Variants in PCDHGB6 observed in about 807,000 individuals in gnomAD.
PCDHGB6 encodes protocadherin gamma subfamily B, 6, also known as protocadherin gamma-B6.
In PCDHGB6, 51 loss-of-function variants were observed where a neutral mutation model predicts 59.1. That is an observed-to-expected ratio of 0.86 (90% CI 0.69 to 1.09). The LOEUF (loss-of-function observed/expected upper bound fraction) is 1.09. Ranked by LOEUF, PCDHGB6 falls within the 50% of genes least tolerant of loss-of-function variation. The pLI, the probability that PCDHGB6 is intolerant of heterozygous loss-of-function variation, is 0.00. For synonymous variants in PCDHGB6, 466 were observed against 495.1 expected (o/e 0.94, Z 0.78); for missense variants, 1,148 against 1,205.1 (o/e 0.95, Z 0.70).
chr5:141,427,260 AC>A (rs1388196814), intron 1 of PCDHGB6: 1 of 456,770 alleles, frequency 2.2e-6, no homozygotes, highest in Admixed American at 2.3e-5. Flanking sequence ...TGGAGGCATG[AC>A]CAGCGAATGT....
rs552017054 is a variant in PCDHGB6 at position 141,425,594 on chromosome 5, A to G, written c.2418+14974A>G. On this transcript the variant is annotated intron_variant, in intron 1 of 3. Transcript: ENST00000520790. ...GGGTTTGGCTAACTTTATTCTGAAT[A>G]TGCCCTATATAGCTTTCAGTGCTCC... 2.6e-5 allele frequency among the ~76,000 whole-genome samples: 4 copies of G among 152,370 alleles called. No homozygotes were observed. In the South Asian group the frequency reaches 8.3e-4, roughly 32 times the overall value.
intron 1 of PCDHGB6, among the ~76,000 whole-genome samples, chr5:141,447,631 A>G (rs59518107): frequency 0.11 from 16,809 of 152,214 alleles, 1,093 homozygotes; most frequent in African/African-American, 0.17. Flanking sequence ...AACCAACAGT[A>G]TGAATGATGG....
Position 141,491,717 on chromosome 5 carries a change from C to A in PCDHGB6, c.2419-3090C>A. ...CGGAGCCAGGTGAGGGGCTCGGCGC[C>A]GCCCCGGGCGACCCCTGGGGGCGGC... On this transcript the variant is annotated intron_variant, in intron 1 of 3. Coordinates refer to ENST00000520790, the MANE Select transcript of PCDHGB6 (RefSeq NM_018926.3). The surrounding 1 kb of genome is among the most constrained non-coding windows in gnomAD (Gnocchi z 6.9). 1 of 1,607,940 alleles carries A rather than the reference C, an allele frequency of 6.2e-7. No individual in the cohort carries two copies. Among genetic ancestry groups the A allele is most frequent in the Middle Eastern group, 1.7e-4 (1 of 6,010 alleles).
At chr5:141,426,844 A>C (rs1397752566) in intron 1 of PCDHGB6, 1 of 456,628 alleles carries the variant, frequency 2.2e-6, no homozygotes, top group Non-Finnish European at 4.4e-6. Context: ...ACTAAAGGCA[A>C]GAACGCTCCA....
chr5:141,458,464 G>A (rs1035826436), intron 1 of PCDHGB6, among the ~76,000 whole-genome samples: 30 of 152,030 alleles, frequency 2.0e-4, no homozygotes, highest in Admixed American at 9.8e-4. Flanking sequence ...TTAAAATACC[G>A]TACAACTGCA....
At chr5:141,415,023 C>A (rs1213037511) in intron 1 of PCDHGB6, 1 of 1,613,530 alleles carries the variant, frequency 6.2e-7, no homozygotes, top group East Asian at 2.2e-5. Flanking sequence ...TCAAGGCCAG[C>A]GAGCCGGGAC....
At chr5:141,469,373 G>A (rs532041259) in intron 1 of PCDHGB6, among the ~76,000 whole-genome samples, 3 of 151,992 alleles carry the variant, frequency 2.0e-5, no homozygotes, top group South Asian at 2.1e-4. Context: ...TAAAGAGATC[G>A]AGACCATCCT....
chr5:141,425,714 A>G (rs1259037833), intron 1 of PCDHGB6, among the ~76,000 whole-genome samples: 1 of 152,218 alleles, frequency 6.6e-6, no homozygotes, highest in African/African-American at 2.4e-5. Context: ...AAATTTTCCC[A>G]TACCACTTGA....
At position 141,430,761 on chromosome 5, in the gene PCDHGB6, T is replaced by C. The variant is rs769012885; in HGVS notation, c.2418+20141T>C. The C allele has an allele frequency of 2.0e-6, 3 of 1,506,132 alleles. No individual in the cohort carries two copies. The African/African-American group carries it at 4.2e-5, about 21-fold the overall frequency. The allele number at this position is 1,506,132 out of a possible 1,614,324, so 93.3% of individuals were successfully genotyped here. ...AAATAATTCTGGAGGAAGATAAGAATGATTCCTGCGCGACTGCACCGGGAC... is the reference window on the plus strand; with the variant it reads ...AAATAATTCTGGAGGAAGATAAGAACGATTCCTGCGCGACTGCACCGGGAC... On this transcript the variant is annotated intron_variant, in intron 1 of 3. Coordinates refer to ENST00000520790, the MANE Select transcript of PCDHGB6 (RefSeq NM_018926.3).
At chr5:141,492,404 T>C (rs944864208) in intron 1 of PCDHGB6, among the ~76,000 whole-genome samples, 9 of 152,316 alleles carry the variant, frequency 5.9e-5, no homozygotes, top group African/African-American at 1.9e-4. Context: ...GCAGCTCCCC[T>C]CTGCCGCTCC....
Position 141,415,740 on chromosome 5 carries a change from G to GTTTTTT in PCDHGB6, c.2418+5147_2418+5152dup, listed in dbSNP as rs57426385. ...TGAGTAGAATTTGATGTTTATTAAGGTTTTTTTTTTTTTTTTTTTTTTTTT... is the reference window on the plus strand; with the variant it reads ...TGAGTAGAATTTGATGTTTATTAAGGTTTTTTTTTTTTTTTTTTTTTTTTTTTTTTT... On this transcript the variant is annotated intron_variant, in intron 1 of 3. Transcript: ENST00000520790. 6.6e-4 allele frequency: 412 copies of GTTTTTT among 624,836 alleles called. 3 individuals carry two copies. The highest frequency in any genetic ancestry group is 1.2e-3 in the African/African-American group (49 of 39,912). The allele number at this position is 624,836 out of a possible 1,614,324, so 38.7% of individuals were successfully genotyped here.
chr5:141,473,850 G>A (rs1490458424), intron 1 of PCDHGB6, among the ~76,000 whole-genome samples: 1 of 152,184 alleles, frequency 6.6e-6, no homozygotes, highest in African/African-American at 2.4e-5. Flanking sequence ...TTAGGAAGAT[G>A]AACCTCGCTA....
At chr5:141,422,566 A>G (rs2096656660) in intron 1 of PCDHGB6, 1 of 1,614,020 alleles carries the variant, frequency 6.2e-7, no homozygotes, top group Non-Finnish European at 8.5e-7. Flanking sequence ...GGCAGATGAC[A>G]ACGATAACCC....
At chr5:141,435,214 AC>A (rs1332585721) in intron 1 of PCDHGB6, among the ~76,000 whole-genome samples, 1 of 152,176 alleles carries the variant, frequency 6.6e-6, no homozygotes, top group African/African-American at 2.4e-5. Flanking sequence ...AAGTGAATTT[AC>A]TTTCTTTCAA....
intron 1 of PCDHGB6, among the ~76,000 whole-genome samples, chr5:141,463,642 G>A (rs573143516): frequency 6.6e-6 from 1 of 151,750 alleles, no homozygotes; most frequent in South Asian, 2.1e-4. Context: ...TAGTAGAGAC[G>A]GGGTTTCACC....
At chr5:141,414,646 A>G in intron 1 of PCDHGB6, 2 of 1,613,928 alleles carry the variant, frequency 1.2e-6, no homozygotes, top group Non-Finnish European at 1.7e-6. Context: ...GAATGCCCAG[A>G]TTATTTACTC....
rs182905441 is a variant in PCDHGB6, at chr5:141,450,871, C to A, written c.2418+40251C>A. Among the ~76,000 whole-genome samples, 581 of 149,672 alleles carry A rather than the reference C, an allele frequency of 3.9e-3. 6 individuals carry two copies. Among genetic ancestry groups the A allele is most frequent in the Admixed American group, 0.011 (168 of 14,998 alleles). ...ATGGGGTCTTGCTCTGTCACCCAGGCTGGTGTGCAGTGGTGCGATATCGGC... is the reference window on the plus strand; with the variant it reads ...ATGGGGTCTTGCTCTGTCACCCAGGATGGTGTGCAGTGGTGCGATATCGGC... On this transcript the variant is annotated intron_variant, in intron 1 of 3. Coordinates refer to ENST00000520790, the MANE Select transcript of PCDHGB6 (RefSeq NM_018926.3).
At chr5:141,420,473 G>A (rs1016985115) in intron 1 of PCDHGB6, 8 of 707,118 alleles carry the variant, frequency 1.1e-5, no homozygotes, top group Non-Finnish European at 1.6e-5. Flanking sequence ...ACATTTTAAA[G>A]CAAACTACAT....
intron 1 of PCDHGB6, chr5:141,471,417 T>A (rs1174855045): frequency 6.6e-6 from 1 of 152,190 alleles, no homozygotes; most frequent in Non-Finnish European, 1.5e-5. Flanking sequence ...GTTATGTTTT[T>A]AGCAAGGAAA....
Sources: gnomAD v4.1 joint callset for allele counts (sites outside exome capture counted in the v4.1 genomes callset) on GRCh38, gnomAD v4.1.1 for gene constraint, Gnocchi (gnomAD v3.1) non-coding constraint, MANE v1.5 for transcripts, NCBI Gene and HGNC (gene_info 2026-07-23, HGNC 2026-07-21) for gene names.